The following CFTR variants were observed in gnomAD, a reference collection of about 807,000 sequenced individuals.
CFTR encodes the protein cystic fibrosis transmembrane conductance regulator.
In CFTR, 181 loss-of-function variants were observed where a neutral mutation model predicts 171.6. That is an observed-to-expected ratio of 1.05 (90% CI 0.93 to 1.19). The LOEUF is 1.19. Ranked by LOEUF, CFTR falls within the 50% of genes most tolerant of loss-of-function variation. The pLI is 0.00. For synonymous variants in CFTR, 583 were observed against 608.0 expected (o/e 0.96, Z 0.60); for missense variants, 1,968 against 1,734.7 (o/e 1.13, Z -2.39).
intron 10 of CFTR, among the ~76,000 whole-genome samples, chr7:117,551,267 T>C (rs1374932440): frequency 1.3e-5 from 2 of 152,224 alleles, no homozygotes; most frequent in Admixed American, 6.5e-5. Flanking sequence ...AAAGAATGAC[T>C]GTGACGGATG....
intron 1 of CFTR, among the ~76,000 whole-genome samples, chr7:117,490,332 C>G (rs909084173): frequency 2.0e-5 from 3 of 151,164 alleles, no homozygotes; most frequent in African/African-American, 7.3e-5. Flanking sequence ...CACACACACA[C>G]ACACACACAC....
intron 10 of CFTR, among the ~76,000 whole-genome samples, chr7:117,558,435 T>TC (rs1767037051): frequency 6.6e-6 from 1 of 151,972 alleles, no homozygotes; most frequent in African/African-American, 2.4e-5. Flanking sequence ...GTGCCCGTAG[T>TC]CCCAGCTACT....
intron 1 of CFTR, among the ~76,000 whole-genome samples, chr7:117,491,387 C>T (rs1798157576): frequency 6.6e-6 from 1 of 151,916 alleles, no homozygotes; most frequent in African/African-American, 2.4e-5. Context: ...TTGATTAGGG[C>T]CAGCGTATTA....
At chr7:117,585,453 G>T (rs1584809188) in intron 11 of CFTR, among the ~76,000 whole-genome samples, 1 of 151,652 alleles carries the variant, frequency 6.6e-6, no homozygotes. Context: ...ATACAATGTT[G>T]AGTTCAAATT....
At chr7:117,498,144 T>C (rs746025926) in intron 1 of CFTR, among the ~76,000 whole-genome samples, 26 of 152,262 alleles carry the variant, frequency 1.7e-4, no homozygotes, top group Non-Finnish European at 3.4e-4. Flanking sequence ...AGTATTGGTT[T>C]GTAGTCTTTT....
intron 1 of CFTR, among the ~76,000 whole-genome samples, chr7:117,492,055 AGGACCTTTTGCTCTTGAGAGGAC>A (rs1409937508): frequency 1.3e-5 from 2 of 152,226 alleles, no homozygotes; most frequent in East Asian, 3.9e-4. Flanking sequence ...CATAAGAAAA[AGGACCTTTTGCTCTTGAGAGGAC>A]TGAAGAATGA....
intron 4 of CFTR, among the ~76,000 whole-genome samples, chr7:117,533,239 T>G (rs887179541): frequency 1.3e-5 from 2 of 152,138 alleles, no homozygotes; most frequent in African/African-American, 4.8e-5. Flanking sequence ...CATATTGCTC[T>G]GATAATGTTT....
At chr7:117,620,323 T>A (rs182187200) in intron 21 of CFTR, among the ~76,000 whole-genome samples, 25 of 152,210 alleles carry the variant, frequency 1.6e-4, no homozygotes, top group Admixed American at 4.6e-4. Context: ...ATTTGTAAAA[T>A]GAAACAGTTT....
intron 21 of CFTR, among the ~76,000 whole-genome samples, chr7:117,617,434 A>T (rs550741429): frequency 2.7e-4 from 41 of 152,258 alleles, no homozygotes; most frequent in Non-Finnish European, 4.3e-4. Flanking sequence ...ACGAAACTGT[A>T]CAACAACCTT....
At chr7:117,551,807 C>T (rs34034688) in intron 10 of CFTR, among the ~76,000 whole-genome samples, 2,243 of 152,276 alleles carry the variant, frequency 0.015, 57 homozygotes, top group African/African-American at 0.051. Flanking sequence ...TGGGGAGTTT[C>T]AGTCCTTCTG....
intron 22 of CFTR, among the ~76,000 whole-genome samples, chr7:117,640,626 G>T (rs1004520634): frequency 3.3e-5 from 5 of 151,906 alleles, no homozygotes; most frequent in African/African-American, 1.2e-4. Context: ...ACCTGCACTG[G>T]GCATATTCAA....
At chr7:117,610,897 A>G (rs1436579997) in intron 19 of CFTR, among the ~76,000 whole-genome samples, 7 of 152,200 alleles carry the variant, frequency 4.6e-5, no homozygotes, top group African/African-American at 1.4e-4. Flanking sequence ...GTTTTAAAAT[A>G]GGTATATAGA....
intron 3 of CFTR, 146 bp from the exon 4 acceptor site, chr7:117,530,753 G>A (rs1192593211): frequency 6.1e-6 from 4 of 660,794 alleles, no homozygotes; most frequent in Non-Finnish European, 1.1e-5. Flanking sequence ...ATTGAAAATA[G>A]TGCTAAGAGT....
At chr7:117,666,876 G>C in intron 26 of CFTR, 32 bp from the exon 27 acceptor site, 1 of 1,604,096 alleles carries the variant, frequency 6.2e-7, no homozygotes, top group Admixed American at 1.7e-5. Flanking sequence ...CCTGCCTTCT[G>C]TCCCAGATCT....
intron 6 of CFTR, among the ~76,000 whole-genome samples, chr7:117,536,048 G>C (rs1170892240): frequency 6.6e-6 from 1 of 152,132 alleles, no homozygotes; most frequent in African/African-American, 2.4e-5. Context: ...CTGGTTTATG[G>C]ATCATCACAC....
At chr7:117,519,014 A>G (rs1259717447) in intron 3 of CFTR, among the ~76,000 whole-genome samples, 2 of 152,162 alleles carry the variant, frequency 1.3e-5, no homozygotes, top group African/African-American at 4.8e-5. Context: ...TTCTTATAAA[A>G]TATGAAGAAT....
At chr7:117,563,981 A>G (rs1791557699) in intron 11 of CFTR, among the ~76,000 whole-genome samples, 1 of 152,244 alleles carries the variant, frequency 6.6e-6, no homozygotes, top group African/African-American at 2.4e-5. Context: ...AATGTAATGA[A>G]TACAATAAGT....
At chr7:117,609,146 G>GTAA (rs1792344581) in intron 18 of CFTR, among the ~76,000 whole-genome samples, 1 of 152,120 alleles carries the variant, frequency 6.6e-6, no homozygotes, top group Admixed American at 6.6e-5. Flanking sequence ...GATACCTCAT[G>GTAA]TAATCTTCAT....
intron 21 of CFTR, among the ~76,000 whole-genome samples, chr7:117,620,125 T>A (rs190031072): frequency 2.3e-4 from 35 of 152,254 alleles, no homozygotes; most frequent in African/African-American, 6.5e-4. Context: ...TCTATCCTTA[T>A]TTTTCTGTTT....
Sources: gnomAD v4.1 joint callset for allele counts (sites outside exome capture counted in the v4.1 genomes callset) on GRCh38, gnomAD v4.1.1 for gene constraint, MANE v1.5 for transcripts, NCBI Gene and HGNC (gene_info 2026-07-23, HGNC 2026-07-21) for gene names.